The following GSAP variants were observed in gnomAD, a reference collection of about 807,000 sequenced individuals.
GSAP encodes gamma-secretase activating protein.
Under a neutral mutation model 131.7 loss-of-function variants are expected in GSAP, and 118 were observed. The ratio of observed to expected loss-of-function variants is 0.90; its 90% CI spans 0.77 to 1.04. The LOEUF is 1.04. GSAP is among the 50% of genes least tolerant of loss of function. The pLI, the probability that GSAP is intolerant of heterozygous loss-of-function variation, is 0.00. For missense variants in GSAP, 1,019 were observed against 1,013.2 expected (o/e 1.01, Z -0.08); for synonymous variants, 381 against 363.4 (o/e 1.05, Z -0.55).
chr7:77,337,019 A>G (rs1309868150), intron 19 of GSAP, among the ~76,000 whole-genome samples: 1 of 152,190 alleles, frequency 6.6e-6, no homozygotes, highest in Non-Finnish European at 1.5e-5. Flanking sequence ...GTAAACTATT[A>G]TACTGTAATT....
At chr7:77,395,350 G>A (rs1190120797) in intron 5 of GSAP, among the ~76,000 whole-genome samples, 1 of 152,140 alleles carries the variant, frequency 6.6e-6, no homozygotes, top group Admixed American at 6.6e-5. Context: ...TCTTCTTGGA[G>A]AAATGGGTCT....
chr7:77,339,275 C>T (rs1482463422), intron 19 of GSAP, among the ~76,000 whole-genome samples: 4 of 152,030 alleles, frequency 2.6e-5, no homozygotes, highest in Admixed American at 1.3e-4. Flanking sequence ...GGTGGTATTA[C>T]GCGAGCAGAG....
intron 7 of GSAP, among the ~76,000 whole-genome samples, chr7:77,381,619 C>T (rs1012680196): frequency 6.6e-6 from 1 of 152,134 alleles, no homozygotes; most frequent in East Asian, 1.9e-4. Context: ...AAGTATTTAG[C>T]CCTCCTGCTT....
At chr7:77,357,222 C>G (rs1021913854) in intron 14 of GSAP, among the ~76,000 whole-genome samples, 1 of 152,150 alleles carries the variant, frequency 6.6e-6, no homozygotes, top group African/African-American at 2.4e-5. Flanking sequence ...GATGGATGTT[C>G]AGTCCCTCAA....
intron 24 of GSAP, among the ~76,000 whole-genome samples, chr7:77,322,205 T>C (rs1250974394): frequency 2.0e-5 from 3 of 152,228 alleles, no homozygotes; most frequent in Non-Finnish European, 2.9e-5. Context: ...TTAAGTAAGT[T>C]AACATGTAAC....
chr7:77,344,304 A>ACTCC (rs1179963169), intron 19 of GSAP, among the ~76,000 whole-genome samples: 4 of 152,170 alleles, frequency 2.6e-5, no homozygotes, highest in African/African-American at 9.7e-5. Context: ...AAATGGACTA[A>ACTCC]TGGTCTTATA....
rs911050635 is a variant in GSAP at position 77,323,804 on chromosome 7, G to A, written c.1828-62C>T. 1.2e-4 allele frequency: 83 copies of A among 683,352 alleles called. No homozygotes were observed. In the African/African-American group the frequency reaches 1.3e-3, roughly 11 times the overall value. 42.3% of individuals were successfully genotyped at this position (683,352 alleles called of 1,614,324 possible). ...ACCCACTCATACCTGCAACTGGTTT[G>A]AATTAGATCCACTTATTAACATTCT... On this transcript the variant is annotated intron_variant, in intron 23 of 30. Transcript: ENST00000257626.
chr7:77,314,353 A>G lies in GSAP; in HGVS notation c.2209+17T>C. ...TCAGGCTGGAACTAGCACTCTGGCA[A>G]ACTCAGGGCTTCTTACCTTTCATGA... On this transcript the variant is annotated intron_variant, in intron 27 of 30. Transcript: ENST00000257626. The G allele has an allele frequency of 1.2e-6, 2 of 1,613,018 alleles. No individual in the cohort carries two copies. Among genetic ancestry groups the G allele is most frequent in the Non-Finnish European group, 1.7e-6 (2 of 1,179,542 alleles).
At position 77,396,995 on chromosome 7, in the gene GSAP, G is replaced by A. The variant is rs770839553; in HGVS notation, c.354C>T (p.Asn118=). Reference sequence around the variant, plus strand: ...TAATTTCATTACCTGGTTGAAGTTCGTTCCTTTTTCCTTCTTTAGTAGACT... The same window carrying A: ...TAATTTCATTACCTGGTTGAAGTTCATTCCTTTTTCCTTCTTTAGTAGACT... ...LVQSTKEGKR[N]ELQPGSKCLT... is the part of the protein sequence containing the mutation. Residue 118 remains asparagine, a synonymous_variant, in exon 5 of 31, where the codon AAC becomes AAT. Coordinates refer to ENST00000257626, the MANE Select transcript of GSAP (RefSeq NM_017439.4). 22 of 1,597,956 alleles carry A rather than the reference G, an allele frequency of 1.4e-5. No homozygotes were observed. The highest frequency in any genetic ancestry group is 2.2e-5 in the East Asian group (1 of 44,622).
At chr7:77,380,056 A>G in intron 8 of GSAP, 1 of 368,692 alleles carries the variant, frequency 2.7e-6, no homozygotes, top group Non-Finnish European at 3.8e-6. Flanking sequence ...ATCCTATACA[A>G]ATTATCAAGA....
chr7:77,393,503 C>CA (rs1799894014), intron 5 of GSAP, among the ~76,000 whole-genome samples: 1 of 151,970 alleles, frequency 6.6e-6, no homozygotes, highest in East Asian at 1.9e-4. Flanking sequence ...TGAGCAAGTC[C>CA]AAAATGAAAC....
chr7:77,322,529 G>C (rs1205060905), intron 24 of GSAP, among the ~76,000 whole-genome samples: 1 of 151,002 alleles, frequency 6.6e-6, no homozygotes, highest in Non-Finnish European at 1.5e-5. Flanking sequence ...AAGATTTCGA[G>C]TCAACAGAAA....
chr7:77,343,163 T>C (rs1584374130), intron 19 of GSAP, among the ~76,000 whole-genome samples: 1 of 151,218 alleles, frequency 6.6e-6, no homozygotes. Context: ...CTAGCCTTCA[T>C]GTCTGTGTGT....
rs74915244 is a variant in GSAP, at chr7:77,406,163, C to G, written c.110-58G>C. 2,429 of 1,014,382 alleles carry G rather than the reference C, an allele frequency of 2.4e-3. 48 individuals are homozygous for G. The African/African-American group carries it at 0.039, about 16-fold the overall frequency. The allele number at this position is 1,014,382 out of a possible 1,614,324, so 62.8% of individuals were successfully genotyped here. A position where few individuals can be genotyped will look rare whatever the true frequency, so the allele number is the denominator to read the frequency against. On this transcript the variant is annotated intron_variant, in intron 1 of 30. Coordinates refer to ENST00000257626, the MANE Select transcript of GSAP (RefSeq NM_017439.4). Reference sequence around the variant, plus strand: ...GAAGATGGTTAAAAACATATCTAACCAATATATTAGTGAAGGAAGCCAAAT... The same window carrying G: ...GAAGATGGTTAAAAACATATCTAACGAATATATTAGTGAAGGAAGCCAAAT...
At position 77,377,331 on chromosome 7, in the gene GSAP, A is replaced by G. The variant is rs1283383781; in HGVS notation, c.636T>C (p.Ala212=). 1.3e-6 allele frequency: 2 copies of G among 1,579,728 alleles called. No homozygotes were observed. Among genetic ancestry groups the G allele is most frequent in the Non-Finnish European group, 1.7e-6 (2 of 1,164,470 alleles). The change falls in exon 9 of 31, where the codon GCT becomes GCC. Residue 212 remains alanine, a synonymous_variant. Coordinates refer to ENST00000257626, the MANE Select transcript of GSAP (RefSeq NM_017439.4). The part of the protein sequence containing the change: ...RDRIAEDFVW[A]QWDMSEQRLY... ...ATCTCTGTTCTGACATATCCCACTG[A>G]GCCCAAACGAAATCCTCAGCTATTC...
intron 5 of GSAP, among the ~76,000 whole-genome samples, chr7:77,393,402 C>G (rs1325340632): frequency 6.6e-6 from 1 of 152,068 alleles, no homozygotes; most frequent in Non-Finnish European, 1.5e-5. Flanking sequence ...CTAAATGTGC[C>G]TCTCCAGCCG....
intron 12 of GSAP, among the ~76,000 whole-genome samples, chr7:77,366,189 T>C (rs969947303): frequency 6.6e-6 from 1 of 152,020 alleles, no homozygotes; most frequent in African/African-American, 2.4e-5. Context: ...TGTAGGTCGT[T>C]TGGTTTACTC....
chr7:77,323,785 T>C (rs1562900707), intron 23 of GSAP, 43 bp from the exon 24 acceptor site: 1 of 852,554 alleles, frequency 1.2e-6, no homozygotes, highest in Non-Finnish European at 1.9e-6. Flanking sequence ...GCCTACCCAC[T>C]CATACCTGCA....
Position 77,374,072 on chromosome 7 carries a change from G to T in GSAP, c.869C>A (p.Thr290Lys). 1.3e-6 allele frequency: 2 copies of T among 1,514,510 alleles called. No homozygotes were observed. The highest frequency in any genetic ancestry group is 1.8e-6 in the Non-Finnish European group (2 of 1,094,578). 93.8% of individuals were successfully genotyped at this position (1,514,510 alleles called of 1,614,324 possible). The change falls in exon 12 of 31, where the codon ACA (threonine) becomes AAA (lysine). Residue 290 changes from threonine to lysine, a missense_variant and splice_region_variant. Physicochemically the swap from Thr to Lys is moderately conservative, Grantham distance 78. Coordinates refer to ENST00000257626, the MANE Select transcript of GSAP (RefSeq NM_017439.4). ...HLTLCVFTNH[T>K]GSLCVCYSPK... ...TGATAAATACAACCCTAGTTTACCT[G>T]TATGGTTGGTAAAAACACACAGAGT...
Sources: gnomAD v4.1 joint callset for allele counts (sites outside exome capture counted in the v4.1 genomes callset) on GRCh38, gnomAD v4.1.1 for gene constraint, MANE v1.5 for transcripts, NCBI Gene and HGNC (gene_info 2026-07-23, HGNC 2026-07-21) for gene names.